The following RPS6KA5 variants were observed in gnomAD, a reference collection of about 807,000 sequenced individuals.
RPS6KA5 encodes the protein ribosomal protein S6 kinase alpha-5.
A neutral mutation model predicts 85.5 loss-of-function variants in RPS6KA5; 27 were observed. That is an observed-to-expected ratio of 0.32 (90% confidence interval 0.23 to 0.44). The LOEUF (loss-of-function observed/expected upper bound fraction) is 0.44. Among genes scored for constraint, RPS6KA5 ranks in the 20% least tolerant of loss-of-function variants. RPS6KA5 has a pLI of 1.00. For missense variants in RPS6KA5, 811 were observed against 980.9 expected (o/e 0.83, Z 2.31); for synonymous variants, 334 against 348.2 (o/e 0.96, Z 0.46).
At chr14:90,897,854 T>C (rs574221383) in intron 12 of RPS6KA5, among the ~76,000 whole-genome samples, 2 of 152,254 alleles carry the variant, frequency 1.3e-5, no homozygotes, top group East Asian at 1.9e-4. Flanking sequence ...GATGTGAATT[T>C]CCTCTATATC....
chr14:90,941,670 A>T (rs2037578403), intron 5 of RPS6KA5, among the ~76,000 whole-genome samples: 1 of 152,232 alleles, frequency 6.6e-6, no homozygotes, highest in Non-Finnish European at 1.5e-5. Flanking sequence ...CATCACTTGC[A>T]TGCCTACTTC....
chr14:90,919,784 T>C (rs1270027275), intron 7 of RPS6KA5, among the ~76,000 whole-genome samples: 1 of 152,204 alleles, frequency 6.6e-6, no homozygotes, highest in Non-Finnish European at 1.5e-5. Flanking sequence ...TTTTACGATA[T>C]TTGTTTCTAT....
At chr14:91,019,105 C>T (rs1266558717) in intron 1 of RPS6KA5, among the ~76,000 whole-genome samples, 3 of 151,948 alleles carry the variant, frequency 2.0e-5, no homozygotes, top group African/African-American at 7.3e-5. Flanking sequence ...GGTGTTTTCA[C>T]TTTATTTGGA....
chr14:91,056,491 C>A, intron 1 of RPS6KA5, among the ~76,000 whole-genome samples: 1 of 152,270 alleles, frequency 6.6e-6, no homozygotes, highest in East Asian at 1.9e-4. Context: ...ACAGCATGAT[C>A]TTTCCCATGT....
intron 2 of RPS6KA5, among the ~76,000 whole-genome samples, chr14:90,980,519 G>A (rs2039745394): frequency 6.6e-6 from 1 of 152,196 alleles, no homozygotes; most frequent in Admixed American, 6.5e-5. Context: ...CCTAACATCT[G>A]AGTACTTGTC....
intron 1 of RPS6KA5, among the ~76,000 whole-genome samples, chr14:91,051,794 A>AT (rs2043093347): frequency 6.6e-6 from 1 of 150,422 alleles, no homozygotes; most frequent in Non-Finnish European, 1.5e-5. Context: ...TGGCCGAAAG[A>AT]TTTAAAAAAA....
chr14:91,012,276 CA>C (rs926268969), intron 1 of RPS6KA5, among the ~76,000 whole-genome samples: 2 of 152,184 alleles, frequency 1.3e-5, no homozygotes, highest in Non-Finnish European at 2.9e-5. Context: ...AATGAAATCT[CA>C]ATACTAACCT....
chr14:91,033,527 G>A (rs1164513990), intron 1 of RPS6KA5, among the ~76,000 whole-genome samples: 2 of 151,996 alleles, frequency 1.3e-5, no homozygotes, highest in South Asian at 2.1e-4. Context: ...ACTTGAAACC[G>A]GGAGGCAGAG....
chr14:90,886,986 T>C (rs1056729616), intron 14 of RPS6KA5, among the ~76,000 whole-genome samples: 2 of 152,210 alleles, frequency 1.3e-5, no homozygotes, highest in African/African-American at 4.8e-5. Context: ...ATACAAAACT[T>C]CCATTTATTT....
chr14:90,927,459 G>C (rs976830504), intron 5 of RPS6KA5, among the ~76,000 whole-genome samples: 2 of 151,966 alleles, frequency 1.3e-5, no homozygotes, highest in African/African-American at 4.8e-5. Context: ...ATTTATAAAA[G>C]GCACACCTAA....
At chr14:90,897,337 A>C (rs1401415067) in intron 12 of RPS6KA5, among the ~76,000 whole-genome samples, 1 of 152,048 alleles carries the variant, frequency 6.6e-6, no homozygotes, top group Non-Finnish European at 1.5e-5. Context: ...TGGACTTCTG[A>C]CCTCCAGACT....
At chr14:90,998,849 G>C (rs1272566823) in intron 2 of RPS6KA5, among the ~76,000 whole-genome samples, 1 of 152,104 alleles carries the variant, frequency 6.6e-6, no homozygotes, top group Non-Finnish European at 1.5e-5. Flanking sequence ...AACTACTCAG[G>C]GAGGTTATAA....
chr14:91,025,493 G>A (rs1053432460), intron 1 of RPS6KA5, among the ~76,000 whole-genome samples: 1 of 152,154 alleles, frequency 6.6e-6, no homozygotes. Flanking sequence ...CTATCTCTGA[G>A]CAATGCTGAA....
At chr14:91,033,189 C>CAA (rs71117400) in intron 1 of RPS6KA5, among the ~76,000 whole-genome samples, 50 of 138,394 alleles carry the variant, frequency 3.6e-4, no homozygotes, top group South Asian at 6.9e-4. Context: ...GACTCTGTCT[C>CAA]AAAAAAAAAA....
chr14:90,890,236 A>G (rs2034475311), intron 14 of RPS6KA5, among the ~76,000 whole-genome samples: 1 of 152,216 alleles, frequency 6.6e-6, no homozygotes, highest in African/African-American at 2.4e-5. Flanking sequence ...TAGTTCCTTT[A>G]ACTCTCATTG....
rs2033269322 is a variant in RPS6KA5, at chr14:90,873,685, T to C, written c.2107A>G (p.Ile703Val). ...LSSNPLMTPD[I>V]LGSSGAAVHT... ...ACGGCAGCTCCGGAAGATCCTAGAA[T>C]ATCCGGAGTCATCAGAGGATTGGAG... Residue 703 changes from isoleucine (I) to valine (V), a missense_variant, in exon 16 of 17, where the codon ATT (isoleucine) becomes GTT (valine). By Grantham distance (29) the Ile-to-Val change is conservative. Around this residue, in one of 3 missense-constraint regions of RPS6KA5, gnomAD observed 650 missense variants for 793.4 expected, o/e 0.82. Transcript: ENST00000614987. 2 of 1,614,176 alleles carry C rather than the reference T, an allele frequency of 1.2e-6. No individual in the cohort carries two copies. The highest frequency in any genetic ancestry group is 1.3e-5 in the African/African-American group (1 of 75,068).
chr14:90,882,595 T>C (rs560567607), intron 14 of RPS6KA5, among the ~76,000 whole-genome samples: 4 of 152,314 alleles, frequency 2.6e-5, no homozygotes, highest in African/African-American at 9.6e-5. Context: ...CTCAGCTTCT[T>C]ACGGATCTAG....
chr14:90,875,000 T>C (rs932870449), intron 15 of RPS6KA5, among the ~76,000 whole-genome samples: 1 of 152,188 alleles, frequency 6.6e-6, no homozygotes, highest in Non-Finnish European at 1.5e-5. Context: ...AGTCAAGTGC[T>C]AGCTCATGTT....
chr14:90,994,648 T>C (rs1269496758), intron 2 of RPS6KA5, among the ~76,000 whole-genome samples: 1 of 141,640 alleles, frequency 7.1e-6, no homozygotes, highest in Non-Finnish European at 1.5e-5. Flanking sequence ...CTCAGCTCAC[T>C]GCAAGCTCCG....
Sources: gnomAD v4.1 joint callset for allele counts (sites outside exome capture counted in the v4.1 genomes callset) on GRCh38, gnomAD v4.1.1 for gene constraint, gnomAD v4.1.1 regional missense constraint, MANE v1.5 for transcripts, NCBI Gene and HGNC (gene_info 2026-07-23, HGNC 2026-07-21) for gene names.